The following DCDC1 variants were observed in gnomAD, a reference collection of about 807,000 sequenced individuals.
DCDC1 encodes doublecortin domain-containing protein 1.
In DCDC1, 200 loss-of-function variants were observed where a neutral mutation model predicts 178.3. The ratio of observed to expected loss-of-function variants is 1.12; its 90% CI spans 1.00 to 1.26. The LOEUF (loss-of-function observed/expected upper bound fraction) is 1.26. DCDC1 is among the 50% of genes most tolerant of loss of function. DCDC1 has a pLI of 0.00. For synonymous variants in DCDC1, 690 were observed against 604.8 expected, an observed-to-expected ratio of 1.14 and a Z score of -2.07; for missense variants, 1,983 against 1,749.2, an observed-to-expected ratio of 1.13 and a Z score of -2.38.
intron 1 of DCDC1, among the ~76,000 whole-genome samples, chr11:31,348,560 A>C (rs1950921685): frequency 6.6e-6 from 1 of 152,138 alleles, no homozygotes; most frequent in Non-Finnish European, 1.5e-5. Context: ...ACATGCCCTC[A>C]CCTATTTAAT....
chr11:31,266,832 T>C (rs1005592589), intron 7 of DCDC1, among the ~76,000 whole-genome samples: 6 of 152,234 alleles, frequency 3.9e-5, no homozygotes, highest in African/African-American at 1.4e-4. Context: ...AAAGTTGCAC[T>C]TTCCTTTCAG....
chr11:31,366,388 T>C (rs879546918), intron 1 of DCDC1, among the ~76,000 whole-genome samples: 39 of 152,242 alleles, frequency 2.6e-4, no homozygotes, highest in Non-Finnish European at 4.6e-4. Flanking sequence ...TCTGGAGAGG[T>C]GTTCTTGCTC....
In DCDC1 at chr11:31,011,175, ATCTC is replaced by A. The variant is rs549075766; in HGVS notation, c.2591+53290_2591+53293del. On this transcript the variant is annotated intron_variant, in intron 20 of 38. Transcript: ENST00000684477. ...TTGAAATATTGAGCAATTAAAAAAAATCTCTATCCCGTTATCTTAAACACACACA... is the reference window on the plus strand; with the variant it reads ...TTGAAATATTGAGCAATTAAAAAAAATATCCCGTTATCTTAAACACACACA... Among the ~76,000 whole-genome samples the A allele has an allele frequency of 2.3e-3, 347 of 152,294 alleles. 1 individual carries two copies. In the Middle Eastern group the frequency reaches 0.024, roughly 11 times the overall value.
At chr11:31,243,610 T>C (rs1167877911) in intron 8 of DCDC1, among the ~76,000 whole-genome samples, 2 of 151,772 alleles carry the variant, frequency 1.3e-5, no homozygotes, top group Non-Finnish European at 2.9e-5. Context: ...ACAAAAATTC[T>C]AAGTTTTTCA....
intron 20 of DCDC1, 84 bp downstream of exon 20, chr11:31,064,385 C>T (rs1282926802): frequency 1.5e-6 from 1 of 650,196 alleles, no homozygotes; most frequent in African/African-American, 1.8e-5. Context: ...TTTCAATTAT[C>T]TTCAAGAAAT....
At chr11:31,001,648 T>G (rs2135030883) in intron 20 of DCDC1, among the ~76,000 whole-genome samples, 1 of 152,224 alleles carries the variant, frequency 6.6e-6, no homozygotes, top group East Asian at 1.9e-4. Flanking sequence ...GACAAACCAC[T>G]CTGTGTTCCC....
chr11:30,991,967 C>T (rs1590686803), intron 20 of DCDC1, among the ~76,000 whole-genome samples: 1 of 152,096 alleles, frequency 6.6e-6, no homozygotes, highest in African/African-American at 2.4e-5. Context: ...ATTCAACAAG[C>T]AGTGCTTGAG....
At chr11:31,091,330 A>C in intron 17 of DCDC1, 63 bp downstream of exon 17, 1 of 678,432 alleles carries the variant, frequency 1.5e-6, no homozygotes, top group Non-Finnish European at 2.7e-6. Context: ...ATCACAATTG[A>C]ACTGCTCAGA....
At chr11:30,906,873 T>A in intron 29 of DCDC1, 148 bp from the exon 30 acceptor site, 1 of 805,656 alleles carries the variant, frequency 1.2e-6, no homozygotes, top group Non-Finnish European at 1.8e-6. Context: ...TTAGCATAAA[T>A]TTAGCCAAAA....
intron 38 of DCDC1, 61 bp from the exon 39 acceptor site, chr11:30,865,393 CATACACACATTTAT>C (rs3830995): frequency 0.1 from 15,577 of 152,816 alleles, 974 homozygotes; most frequent in Admixed American, 0.19. Context: ...CACGCACACA[CATACACACATTTAT>C]ATACACACAT....
Position 31,155,908 on chromosome 11 carries a change from C to T in DCDC1, c.1222-18124G>A, listed in dbSNP as rs909777440. 13 of 152,256 alleles carry T rather than the reference C, an allele frequency of 8.5e-5. No individual in the cohort carries two copies. In the East Asian group the frequency reaches 1.7e-3, roughly 20 times the overall value. The allele number at this position is 152,256 out of a possible 1,614,324, so 9.4% of individuals were successfully genotyped here. A position where few individuals can be genotyped will look rare whatever the true frequency, so the allele number is the denominator to read the frequency against. On this transcript the variant is annotated intron_variant, in intron 9 of 38. Transcript: ENST00000684477. Reference sequence around the variant, plus strand: ...ATAACCCTAAAAAAATCATTATTGTCATTTTGCAGATAAGAAAAACTAAGA... The same window carrying T: ...ATAACCCTAAAAAAATCATTATTGTTATTTTGCAGATAAGAAAAACTAAGA...
intron 20 of DCDC1, among the ~76,000 whole-genome samples, chr11:31,007,798 G>T (rs1301164063): frequency 6.6e-6 from 1 of 151,964 alleles, no homozygotes. Context: ...GAATAGCTGG[G>T]ATTACAGGCG....
At chr11:31,294,305 C>T (rs1428329671) in intron 6 of DCDC1, among the ~76,000 whole-genome samples, 6 of 151,908 alleles carry the variant, frequency 3.9e-5, no homozygotes, top group South Asian at 2.1e-4. Context: ...ACAGAATGGG[C>T]GCTGTGGCTC....
At chr11:31,150,288 G>C (rs768732908) in intron 9 of DCDC1, among the ~76,000 whole-genome samples, 3 of 152,088 alleles carry the variant, frequency 2.0e-5, no homozygotes, top group Non-Finnish European at 4.4e-5. Context: ...CTATGTAAAT[G>C]TTCAAAAATA....
At position 30,881,386 on chromosome 11, in the gene DCDC1, A is replaced by C. The variant is rs183069843; in HGVS notation, c.5083-78T>G. The C allele has an allele frequency of 3.9e-6, 6 of 1,520,806 alleles. 1 individual carries two copies. Among genetic ancestry groups the C allele is most frequent in the Middle Eastern group, 1.8e-4 (1 of 5,696 alleles). 94.2% of individuals were successfully genotyped at this position (1,520,806 alleles called of 1,614,324 possible). On this transcript the variant is annotated intron_variant, in intron 36 of 38. Transcript: ENST00000684477. ...ATGTATCAAAGAACCAACTCTTCTG[A>C]GAAAACTATTATCCCAGTTTGATTA...
intron 9 of DCDC1, among the ~76,000 whole-genome samples, chr11:31,227,061 T>A (rs1311454389): frequency 6.6e-6 from 1 of 152,074 alleles, no homozygotes; most frequent in African/African-American, 2.4e-5. Flanking sequence ...AAACAAAACA[T>A]CCTAGAGCAA....
intron 20 of DCDC1, among the ~76,000 whole-genome samples, chr11:30,964,339 C>G (rs543948170): frequency 5.9e-5 from 9 of 152,138 alleles, no homozygotes; most frequent in African/African-American, 1.2e-4. Context: ...TGTTCTTTAT[C>G]ATCGAATGTG....
intron 9 of DCDC1, among the ~76,000 whole-genome samples, chr11:31,216,535 C>G (rs1973586015): frequency 6.6e-6 from 1 of 152,164 alleles, no homozygotes; most frequent in South Asian, 2.1e-4. Flanking sequence ...ATTTAGCCCA[C>G]TGCAGACCTC....
intron 11 of DCDC1, among the ~76,000 whole-genome samples, chr11:31,111,588 A>G (rs897283116): frequency 1.3e-5 from 2 of 152,178 alleles, no homozygotes; most frequent in Non-Finnish European, 2.9e-5. Context: ...AGTAAAAAAA[A>G]TCTCTCTACT....
Sources: allele counts gnomAD v4.1 joint callset (sites outside exome capture counted in the v4.1 genomes callset), GRCh38; gene constraint gnomAD v4.1.1; transcripts MANE v1.5; gene names NCBI Gene and HGNC (gene_info 2026-07-23, HGNC 2026-07-21).